Variants in ITGB3BP observed in about 807,000 individuals in gnomAD.
ITGB3BP encodes centromere protein R.
Under a neutral mutation model 29.1 loss-of-function variants are expected in ITGB3BP, and 27 were observed. That is an observed-to-expected ratio of 0.93 (90% confidence interval 0.68 to 1.28). The LOEUF (loss-of-function observed/expected upper bound fraction) is 1.28. Among genes scored for constraint, ITGB3BP ranks in the 50% most tolerant of loss-of-function variants. ITGB3BP has a pLI of 0.00. For synonymous variants in ITGB3BP, 61 were observed against 61.4 expected, an observed-to-expected ratio of 0.99 and a Z score of 0.03; for missense variants, 192 against 200.2, an observed-to-expected ratio of 0.96 and a Z score of 0.25.
intron 4 of ITGB3BP, among the ~76,000 whole-genome samples, chr1:63,473,473 G>T (rs1392617754): frequency 7.7e-6 from 1 of 130,516 alleles, no homozygotes; most frequent in Non-Finnish European, 1.7e-5. Flanking sequence ...GGAGGGAGGT[G>T]GGGGGGTCAG....
intron 1 of ITGB3BP, among the ~76,000 whole-genome samples, chr1:63,515,653 C>T (rs1053508199): frequency 6.6e-6 from 1 of 151,296 alleles, no homozygotes; most frequent in African/African-American, 2.4e-5. Flanking sequence ...TGGTGAAACC[C>T]CATCTCTACT....
chr1:63,518,709 T>A (rs1051543883), intron 1 of ITGB3BP, among the ~76,000 whole-genome samples: 9 of 152,136 alleles, frequency 5.9e-5, no homozygotes, highest in Admixed American at 6.5e-5. Context: ...TTTACTGCAC[T>A]TAAACTTGTA....
At chr1:63,489,680 A>G (rs1446950239) in intron 3 of ITGB3BP, among the ~76,000 whole-genome samples, 1 of 152,066 alleles carries the variant, frequency 6.6e-6, no homozygotes, top group African/African-American at 2.4e-5. Flanking sequence ...TGTGGGTAAA[A>G]CTCAATGGAA....
chr1:63,516,524 A>G (rs1646331606), intron 1 of ITGB3BP, among the ~76,000 whole-genome samples: 3 of 151,852 alleles, frequency 2.0e-5, no homozygotes, highest in Non-Finnish European at 4.4e-5. Context: ...AACATGGGCA[A>G]CACAATGAGA....
intron 7 of ITGB3BP, chr1:63,449,306 G>A (rs1350210909): frequency 1.3e-5 from 2 of 152,400 alleles, no homozygotes. Context: ...CTGATAGCAA[G>A]TTATTTACAC....
chr1:63,494,259 C>T (rs919164639), intron 2 of ITGB3BP, among the ~76,000 whole-genome samples: 3 of 152,058 alleles, frequency 2.0e-5, no homozygotes, highest in Admixed American at 2.0e-4. Flanking sequence ...GCTGGGATTA[C>T]AGGCACCCAC....
intron 2 of ITGB3BP, among the ~76,000 whole-genome samples, chr1:63,507,834 A>C (rs1646114367): frequency 6.6e-6 from 1 of 152,130 alleles, no homozygotes; most frequent in South Asian, 2.1e-4. Flanking sequence ...TTGACTAGCT[A>C]TTTGTTTTAA....
At chr1:63,443,127 ACAG>A (rs1644749943) in intron 8 of ITGB3BP, 1 of 152,304 alleles carries the variant, frequency 6.6e-6, no homozygotes, top group Non-Finnish European at 1.5e-5. Context: ...CTGAAGTGTG[ACAG>A]AGGGCTGGAG....
rs765932634 is a variant in ITGB3BP at position 63,490,177 on chromosome 1, T to C, written c.90A>G (p.Ile30Met). Residue 30 changes from isoleucine to methionine, a missense_variant, in exon 3 of 9, where the codon ATA becomes ATG. By Grantham distance (10) the Ile-to-Met change is conservative (BLOSUM62 1). Transcript: ENST00000271002. Reference sequence around the variant, plus strand: ...AAGTTCCAGTTGTTGGAGAATAAGTTATAACACTTTTCTTCCTTGTGATTT... The same window carrying C: ...AAGTTCCAGTTGTTGGAGAATAAGTCATAACACTTTTCTTCCTTGTGATTT... ...PSKITRKKSV[I>M]TYSPTTGTCQ... is the part of the protein sequence containing the mutation. 6 of 1,593,476 alleles carry C rather than the reference T, an allele frequency of 3.8e-6. No individual in the cohort carries two copies. In the African/African-American group the frequency reaches 8.1e-5, roughly 21 times the overall value.
intron 3 of ITGB3BP, among the ~76,000 whole-genome samples, chr1:63,489,055 TA>T (rs1174362061): frequency 6.6e-6 from 1 of 152,030 alleles, no homozygotes; most frequent in Admixed American, 6.6e-5. Flanking sequence ...ATTAAAAAGA[TA>T]TATCATGCAT....
At chr1:63,523,427 C>A (rs1367958476), upstream of ITGB3BP, 5 of 504,958 alleles carry the variant, frequency 9.9e-6, no homozygotes, top group Non-Finnish European at 1.8e-5. Context: ...AGGAGCAACA[C>A]AGCTGTCTCT....
At chr1:63,464,552 G>A (rs1476122434) in intron 4 of ITGB3BP, among the ~76,000 whole-genome samples, 1 of 152,092 alleles carries the variant, frequency 6.6e-6, no homozygotes, top group Non-Finnish European at 1.5e-5. Flanking sequence ...TAGATATGAT[G>A]GAGTTAGAAA....
chr1:63,523,091 GC>G, intron 1 of ITGB3BP, 37 bp downstream of exon 1: 1 of 1,611,752 alleles, frequency 6.2e-7, no homozygotes, highest in Non-Finnish European at 8.5e-7. Flanking sequence ...CTTGCAGAGG[GC>G]CCCCAAAACA....
chr1:63,497,585 A>AT (rs1281700856), intron 2 of ITGB3BP, among the ~76,000 whole-genome samples: 1 of 152,242 alleles, frequency 6.6e-6, no homozygotes, highest in African/African-American at 2.4e-5. Flanking sequence ...AGGAAGATAA[A>AT]TGTATCTAAG....
intron 1 of ITGB3BP, among the ~76,000 whole-genome samples, chr1:63,517,137 CACTTA>C (rs1256187585): frequency 1.3e-5 from 2 of 151,856 alleles, no homozygotes. Context: ...AGTTTTCATC[CACTTA>C]ACTTTTTTTA....
intron 4 of ITGB3BP, among the ~76,000 whole-genome samples, chr1:63,468,767 A>C (rs867642712): frequency 1.2e-4 from 19 of 152,260 alleles, no homozygotes; most frequent in South Asian, 1.0e-3. Flanking sequence ...AGGCTGAGGC[A>C]GAAGAATTAC....
chr1:63,465,597 G>T (rs1449070106), intron 4 of ITGB3BP, among the ~76,000 whole-genome samples: 1 of 151,860 alleles, frequency 6.6e-6, no homozygotes, highest in Admixed American at 6.6e-5. Context: ...ATCTCCCTAT[G>T]TTGCTCAGGC....
intron 1 of ITGB3BP, among the ~76,000 whole-genome samples, chr1:63,517,816 G>T (rs974652860): frequency 6.6e-6 from 1 of 152,104 alleles, no homozygotes; most frequent in Non-Finnish European, 1.5e-5. Context: ...TGACTTCCTC[G>T]GCTCAAGTGA....
chr1:63,489,959 T>C, intron 3 of ITGB3BP, 124 bp downstream of exon 3: 1 of 806,838 alleles, frequency 1.2e-6, no homozygotes, highest in African/African-American at 1.8e-5. Flanking sequence ...TATTAAGGTA[T>C]TAAATTATTT....
Sources: allele counts gnomAD v4.1 joint callset (sites outside exome capture counted in the v4.1 genomes callset), GRCh38; gene constraint gnomAD v4.1.1; transcripts MANE v1.5; gene names NCBI Gene and HGNC (gene_info 2026-07-23, HGNC 2026-07-21).